Variants in MLLT3 observed in about 807,000 individuals in gnomAD.
MLLT3 encodes the protein protein AF-9.
MLLT3 carries 4 observed loss-of-function variants against 53.2 expected under a neutral mutation model. That is an observed-to-expected ratio of 0.08 (90% CI 0.04 to 0.17). The LOEUF (loss-of-function observed/expected upper bound fraction) is 0.17, where lower values mean the gene tolerates loss of function less well. Among genes scored for constraint, MLLT3 ranks in the 10% least tolerant of loss-of-function variants. The pLI, the probability that MLLT3 is intolerant of heterozygous loss-of-function variation, is 1.00. For synonymous variants in MLLT3, 283 were observed against 230.6 expected, an observed-to-expected ratio of 1.23 and a Z score of -2.06; for missense variants, 569 against 684.0, an observed-to-expected ratio of 0.83 and a Z score of 1.87.
intron 2 of MLLT3, among the ~76,000 whole-genome samples, chr9:20,513,250 T>C (rs1473072197): frequency 6.6e-6 from 1 of 152,212 alleles, no homozygotes; most frequent in Non-Finnish European, 1.5e-5. Context: ...GTGGCCCTTG[T>C]CTGACCTGTG....
At position 20,406,320 on chromosome 9, in the gene MLLT3, C is replaced by G. The variant is rs566383656; in HGVS notation, c.1125+7401G>C. Among the ~76,000 whole-genome samples, 28 of 152,212 alleles carry G rather than the reference C, an allele frequency of 1.8e-4. No homozygotes were observed. In the East Asian group the frequency reaches 5.2e-3, roughly 28 times the overall value. The stretch of plus-strand genomic sequence containing the variant: ...AATTCATGCCTCTTTCCTTCAAAGA[C>G]CAGCTCAAATTCTAACTTTGTACTA... On this transcript the variant is annotated intron_variant, in intron 5 of 10. Transcript: ENST00000380338.
intron 2 of MLLT3, among the ~76,000 whole-genome samples, chr9:20,460,421 T>C (rs1269768381): frequency 6.6e-6 from 1 of 152,258 alleles, no homozygotes; most frequent in Non-Finnish European, 1.5e-5. Context: ...TTCTATTATA[T>C]GCATATGCAT....
At chr9:20,441,916 C>T (rs1823565091) in intron 4 of MLLT3, among the ~76,000 whole-genome samples, 1 of 152,128 alleles carries the variant, frequency 6.6e-6, no homozygotes, top group East Asian at 1.9e-4. Context: ...AAATCAGTTC[C>T]TAAGAACATA....
chr9:20,452,143 T>A (rs555992105), intron 3 of MLLT3, among the ~76,000 whole-genome samples: 2 of 152,340 alleles, frequency 1.3e-5, no homozygotes, highest in South Asian at 4.1e-4. Context: ...TTTTTTCTGC[T>A]TTCCCTCATT....
At chr9:20,489,964 G>A (rs1298650600) in intron 2 of MLLT3, among the ~76,000 whole-genome samples, 1 of 152,082 alleles carries the variant, frequency 6.6e-6, no homozygotes, top group Non-Finnish European at 1.5e-5. Context: ...AACAACCAAT[G>A]GCAAGTACTC....
intron 2 of MLLT3, among the ~76,000 whole-genome samples, chr9:20,613,493 A>G (rs1474527406): frequency 6.6e-6 from 1 of 152,218 alleles, no homozygotes; most frequent in Admixed American, 6.5e-5. Context: ...CAGAATCCAA[A>G]CAAGGAATCA....
At chr9:20,397,577 T>C (rs775217233) in intron 5 of MLLT3, among the ~76,000 whole-genome samples, 3 of 152,102 alleles carry the variant, frequency 2.0e-5, no homozygotes, top group Non-Finnish European at 4.4e-5. Flanking sequence ...AATTACAACT[T>C]AGGGGATCTC....
chr9:20,515,774 G>C (rs1352473445), intron 2 of MLLT3, among the ~76,000 whole-genome samples: 1 of 152,152 alleles, frequency 6.6e-6, no homozygotes, highest in African/African-American at 2.4e-5. Context: ...AGTCATAACA[G>C]GCAGCAGCCT....
intron 2 of MLLT3, among the ~76,000 whole-genome samples, chr9:20,544,199 A>G (rs1454788050): frequency 1.3e-5 from 2 of 152,250 alleles, no homozygotes; most frequent in Admixed American, 6.5e-5. Flanking sequence ...AACACTTTAT[A>G]AAACTCCTAG....
At chr9:20,348,228 A>T (rs1482969420) in intron 10 of MLLT3, among the ~76,000 whole-genome samples, 2 of 152,118 alleles carry the variant, frequency 1.3e-5, no homozygotes, top group Admixed American at 6.5e-5. Context: ...TTTATTCCTT[A>T]ATTTTTTTTT....
At chr9:20,493,229 C>T (rs1052109674) in intron 2 of MLLT3, among the ~76,000 whole-genome samples, 8 of 151,866 alleles carry the variant, frequency 5.3e-5, no homozygotes, top group East Asian at 1.9e-4. Context: ...TAAAGACATT[C>T]GCCACATAAA....
chr9:20,461,053 C>T (rs896865977), intron 2 of MLLT3, among the ~76,000 whole-genome samples: 9 of 152,132 alleles, frequency 5.9e-5, no homozygotes, highest in Non-Finnish European at 1.0e-4. Flanking sequence ...CATTACTACC[C>T]ATGTACTCCA....
chr9:20,421,756 TAA>T (rs1438977542), intron 4 of MLLT3, among the ~76,000 whole-genome samples: 1 of 152,040 alleles, frequency 6.6e-6, no homozygotes, highest in East Asian at 1.9e-4. Context: ...ATAAAAGGAA[TAA>T]GATTAATGAG....
intron 4 of MLLT3, among the ~76,000 whole-genome samples, chr9:20,439,120 G>A (rs924491757): frequency 6.6e-6 from 1 of 152,080 alleles, no homozygotes. Flanking sequence ...TTTCGGAGCT[G>A]AGGTGGGCAG....
intron 2 of MLLT3, among the ~76,000 whole-genome samples, chr9:20,610,410 G>A (rs1485264594): frequency 5.3e-5 from 8 of 152,140 alleles, no homozygotes; most frequent in African/African-American, 1.9e-4. Flanking sequence ...GTGATTCTCA[G>A]CAGACACAAT....
intron 2 of MLLT3, among the ~76,000 whole-genome samples, chr9:20,554,383 G>C (rs1819002769): frequency 6.6e-6 from 1 of 152,112 alleles, no homozygotes; most frequent in Non-Finnish European, 1.5e-5. Flanking sequence ...GTTTCTGATG[G>C]ATCTTCTGGT....
intron 5 of MLLT3, among the ~76,000 whole-genome samples, chr9:20,396,279 G>T (rs1822319707): frequency 6.6e-6 from 1 of 151,702 alleles, no homozygotes; most frequent in Non-Finnish European, 1.5e-5. Context: ...ATGGAAAGAA[G>T]GAAAGAGGGA....
At chr9:20,518,813 G>A (rs1308477357) in intron 2 of MLLT3, among the ~76,000 whole-genome samples, 5 of 152,030 alleles carry the variant, frequency 3.3e-5, no homozygotes, top group Non-Finnish European at 7.4e-5. Context: ...CAAAATACCT[G>A]AAAAAGAATT....
chr9:20,558,095 A>G (rs960655446), intron 2 of MLLT3, among the ~76,000 whole-genome samples: 4 of 152,184 alleles, frequency 2.6e-5, no homozygotes, highest in African/African-American at 9.7e-5. Context: ...AGGCTGCAAG[A>G]AGGAAGCCAA....
Sources: allele counts gnomAD v4.1 joint callset (sites outside exome capture counted in the v4.1 genomes callset), GRCh38; gene constraint gnomAD v4.1.1; transcripts MANE v1.5; gene names NCBI Gene and HGNC (gene_info 2026-07-23, HGNC 2026-07-21).